The following PSD2 variants were observed in gnomAD, a reference collection of about 807,000 sequenced individuals.
The protein encoded by PSD2 is pleckstrin and Sec7 domain containing 2, also known as PH and SEC7 domain-containing protein 2.
A neutral mutation model predicts 69.8 loss-of-function variants in PSD2; 38 were observed. That is an observed-to-expected ratio of 0.54 (90% CI 0.42 to 0.71). The LOEUF (loss-of-function observed/expected upper bound fraction) is 0.71, where lower values mean the gene tolerates loss of function less well. Among genes scored for constraint, PSD2 ranks in the 30% least tolerant of loss-of-function variants. The pLI, the probability that PSD2 is intolerant of heterozygous loss-of-function variation, is 0.00. For synonymous variants in PSD2, 412 were observed against 423.0 expected (o/e 0.97, Z 0.32); for missense variants, 943 against 1,014.5 (o/e 0.93, Z 0.96).
At position 139,813,690 on chromosome 5, in the gene PSD2, C is replaced by A. The variant is rs1760036627; in HGVS notation, c.753C>A (p.Gly251=). The change falls in exon 3 of 15, where the codon GGC becomes GGA. Residue 251 remains glycine (G), a synonymous_variant. Coordinates refer to ENST00000274710, the MANE Select transcript of PSD2 (RefSeq NM_032289.4). ...TGCCCAATGGATTCCATGAAGATGG[C>A]CCTCAGGGCCCAGGGGGGGATGAGG... The part of the protein sequence containing the change: ...MAMPNGFHED[G]PQGPGGDEDD... 1.2e-6 allele frequency: 2 copies of A among 1,613,636 alleles called. No individual in the cohort carries two copies. The highest frequency in any genetic ancestry group is 1.7e-5 in the Admixed American group (1 of 59,990).
the PSD2 span, among the ~76,000 whole-genome samples, chr5:139,766,860 T>TTTCTTTCTTTC: frequency 8.7e-5 from 13 of 150,096 alleles, no homozygotes; most frequent in Non-Finnish European, 1.5e-4. Context: ...TCTTTCTTTC[T>TTTCTTTCTTTC]TTCTTTCTTT....
chr5:139,811,114 C>A (rs1405791807), intron 2 of PSD2, among the ~76,000 whole-genome samples: 1 of 152,160 alleles, frequency 6.6e-6, no homozygotes, highest in Non-Finnish European at 1.5e-5. Context: ...GTGGCCAGGG[C>A]AACGAACCTT....
At chr5:139,819,496 C>G (rs1760202554) in intron 5 of PSD2, among the ~76,000 whole-genome samples, 1 of 152,188 alleles carries the variant, frequency 6.6e-6, no homozygotes, top group Non-Finnish European at 1.5e-5. Flanking sequence ...GCAACTATCT[C>G]AAAGGGAAAA....
At chr5:139,773,817 C>T in the PSD2 span, among the ~76,000 whole-genome samples, 53 of 152,224 alleles carry the variant, frequency 3.5e-4, no homozygotes, top group East Asian at 9.8e-3. Flanking sequence ...TGTTTCAATG[C>T]TTTTGGGAAT....
At chr5:139,808,885 C>T (rs1172570283) in intron 1 of PSD2, among the ~76,000 whole-genome samples, 1 of 152,256 alleles carries the variant, frequency 6.6e-6, no homozygotes, top group African/African-American at 2.4e-5. Flanking sequence ...TTAACTCCTC[C>T]TTGAAGATAG....
the PSD2 span, among the ~76,000 whole-genome samples, chr5:139,783,754 G>A: frequency 6.6e-6 from 1 of 152,204 alleles, no homozygotes; most frequent in South Asian, 2.1e-4. Flanking sequence ...AAAGCCAAGG[G>A]AGATTTTCAG....
chr5:139,811,021 TC>T (rs1166571279), intron 2 of PSD2, among the ~76,000 whole-genome samples: 2 of 152,102 alleles, frequency 1.3e-5, no homozygotes, highest in Non-Finnish European at 2.9e-5. Context: ...CAAGCAGGGC[TC>T]TGTCTTGTTT....
intron 7 of PSD2, among the ~76,000 whole-genome samples, chr5:139,831,574 T>G (rs1459978880): frequency 6.6e-6 from 1 of 152,214 alleles, no homozygotes; most frequent in African/African-American, 2.4e-5. Context: ...TGGTTGGCAA[T>G]TTGCATTCTT....
Position 139,842,281 on chromosome 5 carries a change from A to G in PSD2, c.2123A>G (p.Tyr708Cys), listed in dbSNP as rs1310911363. ...TTGGCCTTTCCCCAGAAAAGCCGTT[A>G]TGAGACCTATATCCACCTCCTGGCT... is the stretch of plus-strand genomic sequence containing the variant. ...EHYLTFEKSR[Y>C]ETYIHLLAMK... Residue 708 changes from tyrosine (Y) to cysteine (C), a missense_variant, in exon 15 of 15, where the codon TAT becomes TGT. Tyr to Cys is a radical substitution (Grantham distance 194, BLOSUM62 -2). Coordinates refer to ENST00000274710, the MANE Select transcript of PSD2 (RefSeq NM_032289.4). 1 of 1,614,112 alleles carries G rather than the reference A, an allele frequency of 6.2e-7. No individual in the cohort carries two copies. Among genetic ancestry groups the G allele is most frequent in the East Asian group, 2.2e-5 (1 of 44,882 alleles).
chr5:139,758,930 C>T, the PSD2 span, among the ~76,000 whole-genome samples: 10 of 152,292 alleles, frequency 6.6e-5, no homozygotes, highest in South Asian at 8.3e-4. Context: ...CCCTTCTTGC[C>T]GCTGGGAGGT....
chr5:139,812,914 G>C (rs911154635), intron 2 of PSD2, among the ~76,000 whole-genome samples: 8 of 152,194 alleles, frequency 5.3e-5, no homozygotes, highest in Admixed American at 1.3e-4. Flanking sequence ...GCAGGAGTGT[G>C]AGTATGTGGG....
At chr5:139,775,725 A>G in the PSD2 span, among the ~76,000 whole-genome samples, 1 of 151,886 alleles carries the variant, frequency 6.6e-6, no homozygotes, top group Non-Finnish European at 1.5e-5. Context: ...CTGGAGTGCA[A>G]TGGCACGATC....
Position 139,817,472 on chromosome 5 carries a change from T to C in PSD2, c.1017-9T>C, listed in dbSNP as rs1760149392. Reference sequence around the variant, plus strand: ...TGCTTCTAACAGACATCCCATACTCTCCTGGCAGCAACGAGTTTAGCAGGC... The same window carrying C: ...TGCTTCTAACAGACATCCCATACTCCCCTGGCAGCAACGAGTTTAGCAGGC... On this transcript the variant is annotated splice_polypyrimidine_tract_variant and intron_variant, in intron 4 of 14. Coordinates refer to ENST00000274710, the MANE Select transcript of PSD2 (RefSeq NM_032289.4). The C allele has an allele frequency of 6.2e-7, 1 of 1,613,228 alleles. No individual in the cohort carries two copies. Among genetic ancestry groups the C allele is most frequent in the Non-Finnish European group, 8.5e-7 (1 of 1,179,196 alleles).
intron 1 of PSD2, among the ~76,000 whole-genome samples, chr5:139,807,319 A>G (rs1238605960): frequency 6.6e-6 from 1 of 152,180 alleles, no homozygotes; most frequent in Non-Finnish European, 1.5e-5. Context: ...GCAGCAGGCC[A>G]AAAGCCCCCA....
chr5:139,769,868 G>A, the PSD2 span, among the ~76,000 whole-genome samples: 18 of 152,246 alleles, frequency 1.2e-4, no homozygotes, highest in Non-Finnish European at 2.2e-4. Context: ...CTTCATTGAC[G>A]TGGGGTCACA....
At position 139,838,738 on chromosome 5, in the gene PSD2, C is replaced by T. The variant is rs754112245; in HGVS notation, c.1934C>T (p.Pro645Leu). The T allele has an allele frequency of 5.6e-6, 9 of 1,613,520 alleles. No homozygotes were observed. In the Admixed American group the frequency reaches 1.2e-4, roughly 21 times the overall value. Residue 645 changes from proline to leucine, a missense_variant, in exon 13 of 15, where the codon CCC becomes CTC. Transcript: ENST00000274710. ...AVSSMKKFCR[P>L]LLPSCTTRLC... ...AGCTCCATGAAGAAGTTCTGTCGGC[C>T]CCTGCTGCCCTCCTGCACCACCCGC...
At position 139,809,663 on chromosome 5, in the gene PSD2, C is replaced by A. The variant is rs1236820115; in HGVS notation, c.223C>A (p.Leu75Ile). 7 of 1,614,110 alleles carry A rather than the reference C, an allele frequency of 4.3e-6. No individual in the cohort carries two copies. The highest frequency in any genetic ancestry group is 5.9e-6 in the Non-Finnish European group (7 of 1,180,032). Residue 75 changes from leucine to isoleucine, a missense_variant, in exon 2 of 15, where the codon CTC becomes ATC. Physicochemically the swap from Leu to Ile is conservative, Grantham distance 5 (BLOSUM62 2). Transcript: ENST00000274710. ...DVAFHGLSLG[L>I]SLTNGLALGP... ...GGCCTTCCATGGCCTCAGCCTTGGC[C>A]TCTCTCTCACCAATGGCCTAGCCCT... is the stretch of plus-strand genomic sequence containing the variant.
the PSD2 span, among the ~76,000 whole-genome samples, chr5:139,766,930 C>T: frequency 0.16 from 7,176 of 43,952 alleles, 711 homozygotes; most frequent in African/African-American, 0.22. Flanking sequence ...CCTTCCTTCC[C>T]TTCTTTCTTT....
At chr5:139,810,176 C>A (rs908390350) in intron 2 of PSD2, among the ~76,000 whole-genome samples, 5 of 152,192 alleles carry the variant, frequency 3.3e-5, no homozygotes, top group African/African-American at 7.2e-5. Flanking sequence ...AAATGAGACT[C>A]TCCCAAATCC....
Sources: allele counts gnomAD v4.1 joint callset (sites outside exome capture counted in the v4.1 genomes callset), GRCh38; gene constraint gnomAD v4.1.1; transcripts MANE v1.5; gene names NCBI Gene and HGNC (gene_info 2026-07-23, HGNC 2026-07-21).